The following EYS variants were observed in gnomAD, a reference collection of about 807,000 sequenced individuals.
EYS encodes the protein protein eyes shut homolog.
Under a neutral mutation model 282.1 loss-of-function variants are expected in EYS, and 250 were observed. That is an observed-to-expected ratio of 0.89 (90% confidence interval 0.80 to 0.98). The LOEUF is 0.98. Among genes scored for constraint, EYS ranks in the 50% least tolerant of loss-of-function variants. EYS has a pLI of 0.00. For synonymous variants in EYS, 1,355 were observed against 1,282.9 expected (o/e 1.06, Z -1.20); for missense variants, 4,016 against 3,709.0 (o/e 1.08, Z -2.15).
chr6:63,841,760 GC>G (rs1208130426), intron 36 of EYS, among the ~76,000 whole-genome samples: 4 of 151,820 alleles, frequency 2.6e-5, no homozygotes, highest in Admixed American at 2.0e-4. Flanking sequence ...CCCTCCCTTT[GC>G]CCCCCGCCAC....
intron 33 of EYS, among the ~76,000 whole-genome samples, chr6:64,057,378 G>GTTTTTT (rs75532003): frequency 8.7e-6 from 1 of 114,704 alleles, no homozygotes; most frequent in African/African-American, 4.3e-5. Flanking sequence ...ATAAAGTAAG[G>GTTTTTT]TTTTTTTTTT....
intron 22 of EYS, chr6:64,713,393 A>C (rs1388914142): frequency 6.6e-6 from 1 of 152,162 alleles, no homozygotes; most frequent in Non-Finnish European, 1.5e-5. Context: ...TGTCAGCGTG[A>C]AAACACTCAA....
intron 11 of EYS, among the ~76,000 whole-genome samples, chr6:65,300,375 G>T (rs1768784444): frequency 6.6e-6 from 1 of 152,102 alleles, no homozygotes; most frequent in South Asian, 2.1e-4. Context: ...TTTTAGGTTA[G>T]ACCTCTTAGA....
chr6:64,094,851 G>A (rs1772526602), intron 31 of EYS, among the ~76,000 whole-genome samples: 2 of 152,108 alleles, frequency 1.3e-5, no homozygotes, highest in Admixed American at 1.3e-4. Context: ...ATGTTAGGGT[G>A]TCAATTTTAG....
Position 64,593,201 on chromosome 6 carries a change from G to A in EYS, c.3793C>T (p.Pro1265Ser), listed in dbSNP as rs1245332279. The A allele has an allele frequency of 2.1e-5, 32 of 1,549,858 alleles. No individual in the cohort carries two copies. The highest frequency in any genetic ancestry group is 2.7e-5 in the African/African-American group (2 of 72,892). ...PISTQTYTIP[P>S]SETLVSSFPS... Reference sequence around the variant, plus strand: ...AAGCTGCTGACCAAAGTCTCAGAAGGGGGAATTGTATATGTCTGTGTGGAA... The same window carrying A: ...AAGCTGCTGACCAAAGTCTCAGAAGAGGGAATTGTATATGTCTGTGTGGAA... The change falls in exon 25 of 43, where the codon CCT becomes TCT. Residue 1265 changes from proline (P) to serine (S), a missense_variant. Physicochemically the swap from Pro to Ser is moderately conservative, Grantham distance 74 (BLOSUM62 -1). Transcript: ENST00000503581.
chr6:64,664,417 C>A (rs1769156889), intron 22 of EYS, among the ~76,000 whole-genome samples: 1 of 152,242 alleles, frequency 6.6e-6, no homozygotes, highest in East Asian at 1.9e-4. Flanking sequence ...GTCACCTTCC[C>A]AGCAAGGCTT....
chr6:65,267,841 C>T (rs1767798961), intron 12 of EYS, among the ~76,000 whole-genome samples: 1 of 151,842 alleles, frequency 6.6e-6, no homozygotes, highest in Admixed American at 6.6e-5. Context: ...ATTTTTCTAT[C>T]CAATTTCTTC....
chr6:64,136,436 T>C (rs111235644), intron 31 of EYS, among the ~76,000 whole-genome samples: 12,860 of 152,132 alleles, frequency 0.085, 1,693 homozygotes, highest in African/African-American at 0.28. Flanking sequence ...ATGGTGAATT[T>C]TTTCCAGAAA....
chr6:64,553,114 G>A (rs1374454464), intron 26 of EYS, among the ~76,000 whole-genome samples: 1 of 151,988 alleles, frequency 6.6e-6, no homozygotes, highest in Non-Finnish European at 1.5e-5. Context: ...ACCACCTTGG[G>A]CACATGTTCT....
chr6:65,176,259 C>G (rs937249063), intron 12 of EYS, among the ~76,000 whole-genome samples: 1 of 151,524 alleles, frequency 6.6e-6, no homozygotes, highest in Non-Finnish European at 1.5e-5. Flanking sequence ...CTCTCAGCTT[C>G]TGGGAACTAA....
At chr6:65,149,143 G>A (rs1180523158) in intron 12 of EYS, among the ~76,000 whole-genome samples, 1 of 152,086 alleles carries the variant, frequency 6.6e-6, no homozygotes, top group East Asian at 1.9e-4. Context: ...GCAAATTTCT[G>A]TAGTAGGCTT....
At chr6:65,633,082 T>A (rs1029548895) in intron 2 of EYS, among the ~76,000 whole-genome samples, 4 of 152,212 alleles carry the variant, frequency 2.6e-5, no homozygotes, top group African/African-American at 9.6e-5. Context: ...AGATACTATA[T>A]AAAGTATTTT....
intron 2 of EYS, among the ~76,000 whole-genome samples, chr6:65,621,166 C>T (rs1766469544): frequency 6.6e-6 from 1 of 152,060 alleles, no homozygotes; most frequent in South Asian, 2.1e-4. Context: ...TAAAGTCTCC[C>T]ACTATTAATG....
Position 64,319,708 on chromosome 6 carries a change from T to TGGAC in EYS, c.6079-12630_6079-12627dup, listed in dbSNP as rs778478023. Among the ~76,000 whole-genome samples, 67 of 100,192 alleles carry TGGAC rather than the reference T, an allele frequency of 6.7e-4. No homozygotes were observed. The Middle Eastern group carries it at 0.029, about 43-fold the overall frequency. 65.7% of individuals were successfully genotyped at this position (100,192 alleles called of 152,430 possible). On this transcript the variant is annotated intron_variant, in intron 29 of 42. Transcript: ENST00000503581. ...AATCTCAGATGGATGGATGGATGGA[T>TGGAC]GGACGGATGGATGGATGGATAGACA...
At chr6:64,323,486 T>C (rs1770294518) in intron 29 of EYS, among the ~76,000 whole-genome samples, 1 of 152,170 alleles carries the variant, frequency 6.6e-6, no homozygotes, top group African/African-American at 2.4e-5. Context: ...ATGTTTCATG[T>C]ACAGATTTGT....
intron 5 of EYS, among the ~76,000 whole-genome samples, chr6:65,448,359 C>T (rs1261825422): frequency 2.6e-5 from 4 of 151,922 alleles, no homozygotes; most frequent in South Asian, 4.1e-4. Context: ...TATAATTTTC[C>T]AATTTTAATT....
At chr6:64,216,530 A>G (rs926044262) in intron 31 of EYS, among the ~76,000 whole-genome samples, 3 of 152,162 alleles carry the variant, frequency 2.0e-5, no homozygotes, top group African/African-American at 7.2e-5. Context: ...GATGCTGTGA[A>G]GCTCTGCCTT....
chr6:64,602,673 A>G (rs1399943185), intron 24 of EYS, among the ~76,000 whole-genome samples: 1 of 152,090 alleles, frequency 6.6e-6, no homozygotes, highest in Non-Finnish European at 1.5e-5. Context: ...TTGAAAATTT[A>G]GCAATTTGAA....
rs142965577 is a variant in EYS at position 64,036,787 on chromosome 6, A to G, written c.6725+29551T>C. 5.9e-5 allele frequency among the ~76,000 whole-genome samples: 9 copies of G among 152,330 alleles called. No homozygotes were observed. In the East Asian group the frequency reaches 1.7e-3, roughly 29 times the overall value. On this transcript the variant is annotated intron_variant, in intron 33 of 42. Transcript: ENST00000503581. ...TACTTTGCCTATATCTTCTCTTTCA[A>G]TCTATGATGTAATAAATGTTATCTA... is the stretch of plus-strand genomic sequence containing the variant.
Sources: gnomAD v4.1 joint callset for allele counts (sites outside exome capture counted in the v4.1 genomes callset) on GRCh38, gnomAD v4.1.1 for gene constraint, MANE v1.5 for transcripts, NCBI Gene and HGNC (gene_info 2026-07-23, HGNC 2026-07-21) for gene names.